The following BPNT2 variants were observed in gnomAD, a reference collection of about 807,000 sequenced individuals.
BPNT2 encodes 3'(2'), 5'-bisphosphate nucleotidase 2.
In BPNT2, 11 loss-of-function variants were observed where a neutral mutation model predicts 29.3. The ratio of observed to expected loss-of-function variants is 0.38; its 90% CI spans 0.24 to 0.62. The LOEUF (loss-of-function observed/expected upper bound fraction) is 0.62, where lower values mean the gene tolerates loss of function less well. BPNT2 is among the 20% of genes least tolerant of loss of function. The pLI, the probability that BPNT2 is intolerant of heterozygous loss-of-function variation, is 0.62. For synonymous variants in BPNT2, 195 were observed against 187.7 expected, an observed-to-expected ratio of 1.04 and a Z score of -0.32; for missense variants, 459 against 473.4, an observed-to-expected ratio of 0.97 and a Z score of 0.28.
intron 3 of BPNT2, among the ~76,000 whole-genome samples, chr8:56,974,915 T>C (rs1218671699): frequency 6.6e-6 from 1 of 152,178 alleles, no homozygotes; most frequent in African/African-American, 2.4e-5. Context: ...TGGAAATCAA[T>C]GCCCAGAGAA....
intron 1 of BPNT2, among the ~76,000 whole-genome samples, chr8:56,989,200 C>T (rs142299568): frequency 0.02 from 2,985 of 150,634 alleles, 84 homozygotes; most frequent in African/African-American, 0.064. Flanking sequence ...GGTGAAACCC[C>T]GTCTCTACTA....
rs1369760338 is a variant in BPNT2, at chr8:56,957,978, C to T, written c.*5815G>A. 1 of 151,968 alleles carries T rather than the reference C, an allele frequency of 6.6e-6. No individual in the cohort carries two copies. Among genetic ancestry groups the T allele is most frequent in the African/African-American group, 2.4e-5 (1 of 41,356 alleles). 9.4% of individuals were successfully genotyped at this position (151,968 alleles called of 1,614,324 possible). A position where few individuals can be genotyped will look rare whatever the true frequency, so the allele number is the denominator to read the frequency against. On this transcript the variant is annotated 3_prime_UTR_variant, in exon 5 of 5. Transcript: ENST00000262644. ...TTCAGAGAATTCAAATTTCGTTTGGCAAAGTATATCCGGGGCAGAGAGTTT... is the reference window on the plus strand; with the variant it reads ...TTCAGAGAATTCAAATTTCGTTTGGTAAAGTATATCCGGGGCAGAGAGTTT...
chr8:56,972,086 A>G (rs1806045777), intron 3 of BPNT2, among the ~76,000 whole-genome samples: 1 of 151,596 alleles, frequency 6.6e-6, no homozygotes, highest in Non-Finnish European at 1.5e-5. Flanking sequence ...ACTCCGTCTC[A>G]AAAAAAAGAA....
At chr8:56,991,119 A>G (rs994474359) in intron 1 of BPNT2, among the ~76,000 whole-genome samples, 1 of 152,198 alleles carries the variant, frequency 6.6e-6, no homozygotes, top group Non-Finnish European at 1.5e-5. Flanking sequence ...TTCTCCACTT[A>G]GTTGGCTACA....
chr8:56,976,011 AT>A (rs1353623733), intron 3 of BPNT2, among the ~76,000 whole-genome samples: 1 of 152,100 alleles, frequency 6.6e-6, no homozygotes, highest in Non-Finnish European at 1.5e-5. Flanking sequence ...GAATCCCTAC[AT>A]TTTAGTTTGG....
chr8:56,973,701 G>C (rs1251536570), intron 3 of BPNT2, among the ~76,000 whole-genome samples: 1 of 152,158 alleles, frequency 6.6e-6, no homozygotes, highest in African/African-American at 2.4e-5. Context: ...CGATGAGAAA[G>C]AAGATGTAGA....
At chr8:56,987,995 T>C (rs1447298966) in intron 1 of BPNT2, among the ~76,000 whole-genome samples, 2 of 152,156 alleles carry the variant, frequency 1.3e-5, no homozygotes, top group Non-Finnish European at 2.9e-5. Context: ...CCCAAAGTAC[T>C]GGGATTACAG....
At chr8:56,964,329 C>A (rs560614002) in intron 4 of BPNT2, 1 of 299,988 alleles carries the variant, frequency 3.3e-6, no homozygotes. Flanking sequence ...GACAGAGTCT[C>A]GCTCTGTCAC....
chr8:56,983,849 G>A (rs1263009590), intron 1 of BPNT2, among the ~76,000 whole-genome samples: 2 of 151,812 alleles, frequency 1.3e-5, no homozygotes, highest in Admixed American at 1.3e-4. Context: ...AACATTTTGG[G>A]AAGAGGGGAA....
In BPNT2 at chr8:56,961,376, G is replaced by A. The variant is rs886063008; in HGVS notation, c.*2417C>T. The A allele has an allele frequency of 4.6e-5, 7 of 151,954 alleles. No homozygotes were observed. The highest frequency in any genetic ancestry group is 8.8e-5 in the Non-Finnish European group (6 of 68,016). The allele number at this position is 151,954 out of a possible 1,614,324, so 9.4% of individuals were successfully genotyped here. On this transcript the variant is annotated 3_prime_UTR_variant, in exon 5 of 5. Coordinates refer to ENST00000262644, the MANE Select transcript of BPNT2 (RefSeq NM_017813.5). ...TAAATACTGTTCCTAATTCTGCAACGTATATTGGCTTTTAAAAACAAACAA... is the reference window on the plus strand; with the variant it reads ...TAAATACTGTTCCTAATTCTGCAACATATATTGGCTTTTAAAAACAAACAA...
intron 2 of BPNT2, among the ~76,000 whole-genome samples, chr8:56,978,931 C>T (rs915789989): frequency 6.6e-5 from 10 of 152,136 alleles, no homozygotes; most frequent in African/African-American, 2.4e-4. Context: ...GGAAAAATAA[C>T]TAATGGATAC....
chr8:56,967,080 CT>C, intron 3 of BPNT2: 1 of 450,734 alleles, frequency 2.2e-6, no homozygotes, highest in Non-Finnish European at 4.5e-6. Flanking sequence ...TCTTCACTGA[CT>C]ATAAAACTAT....
In BPNT2 at chr8:56,958,451, G is replaced by A. The variant is rs1372074575; in HGVS notation, c.*5342C>T. 4.6e-5 allele frequency: 7 copies of A among 152,142 alleles called. No individual in the cohort carries two copies. Among genetic ancestry groups the A allele is most frequent in the African/African-American group, 1.7e-4 (7 of 41,424 alleles). The allele number at this position is 152,142 out of a possible 1,614,324, so 9.4% of individuals were successfully genotyped here. A position where few individuals can be genotyped will look rare whatever the true frequency, so the allele number is the denominator to read the frequency against. Reference sequence around the variant, plus strand: ...AAATTTGGTAGTATGGGTGAGGAAGGTCATAACACGCTAAGTAAACTGGTG... The same window carrying A: ...AAATTTGGTAGTATGGGTGAGGAAGATCATAACACGCTAAGTAAACTGGTG... On this transcript the variant is annotated 3_prime_UTR_variant, in exon 5 of 5. Coordinates refer to ENST00000262644, the MANE Select transcript of BPNT2 (RefSeq NM_017813.5).
chr8:56,981,749 A>G (rs1280391053), intron 1 of BPNT2, among the ~76,000 whole-genome samples: 1 of 152,104 alleles, frequency 6.6e-6, no homozygotes, highest in Non-Finnish European at 1.5e-5. Flanking sequence ...CATCATACAC[A>G]CACACAAGAA....
At chr8:56,964,374 C>T (rs768516396) in intron 4 of BPNT2, 2 of 247,486 alleles carry the variant, frequency 8.1e-6, no homozygotes, top group South Asian at 4.5e-5. Flanking sequence ...TCTTGGCTCA[C>T]TGCAACCTCC....
At chr8:56,969,083 C>T (rs946451250) in intron 3 of BPNT2, among the ~76,000 whole-genome samples, 1 of 152,274 alleles carries the variant, frequency 6.6e-6, no homozygotes, top group East Asian at 1.9e-4. Context: ...CCACCAGAAG[C>T]TGCAAGAGAA....
chr8:56,973,453 A>C (rs934737888), intron 3 of BPNT2, among the ~76,000 whole-genome samples: 1 of 152,238 alleles, frequency 6.6e-6, no homozygotes, highest in Non-Finnish European at 1.5e-5. Flanking sequence ...GAATTCGTCA[A>C]GCCCAAAATA....
chr8:56,975,037 G>A (rs1056228341), intron 3 of BPNT2, among the ~76,000 whole-genome samples: 3 of 151,942 alleles, frequency 2.0e-5, no homozygotes, highest in East Asian at 1.9e-4. Context: ...TGTGACATTC[G>A]GCCAATAAAA....
At chr8:56,980,453 A>G (rs1806220363) in intron 1 of BPNT2, among the ~76,000 whole-genome samples, 1 of 152,182 alleles carries the variant, frequency 6.6e-6, no homozygotes, top group African/African-American at 2.4e-5. Flanking sequence ...ATTCGGATAT[A>G]GAGAAATATA....
Sources: allele counts gnomAD v4.1 joint callset (sites outside exome capture counted in the v4.1 genomes callset), GRCh38; gene constraint gnomAD v4.1.1; transcripts MANE v1.5; gene names NCBI Gene and HGNC (gene_info 2026-07-23, HGNC 2026-07-21).